HEMK2: variants seen among roughly 807,000 people sequenced by gnomAD.
HEMK2 encodes the protein HemK methyltransferase 2, ETF1 glutamine and histone H4 lysine.
At chr21:28,671,846 G>A in the HEMK2 span, among the ~76,000 whole-genome samples, 48 of 152,098 alleles carry the variant, frequency 3.2e-4, no homozygotes, top group Non-Finnish European at 6.5e-4. Context: ...TAGTTTTAAT[G>A]TCACACGTAA....
chr21:28,614,425 AC>A, the HEMK2 span, among the ~76,000 whole-genome samples: 5 of 151,618 alleles, frequency 3.3e-5, no homozygotes, highest in African/African-American at 4.8e-5. Context: ...TAAAAAAAAA[AC>A]ATATTGAAAC....
the HEMK2 span, among the ~76,000 whole-genome samples, chr21:28,622,292 AAGG>A: frequency 6.6e-6 from 1 of 152,220 alleles, no homozygotes; most frequent in Non-Finnish European, 1.5e-5. Context: ...GAAACTCTTC[AAGG>A]AGAACTACAA....
chr21:28,680,615 C>T, the HEMK2 span, among the ~76,000 whole-genome samples: 2 of 152,152 alleles, frequency 1.3e-5, no homozygotes, highest in Non-Finnish European at 2.9e-5. Context: ...GAATTTTAGA[C>T]CAATATCCCT....
the HEMK2 span, among the ~76,000 whole-genome samples, chr21:28,669,950 G>A: frequency 7.9e-5 from 12 of 152,210 alleles, no homozygotes; most frequent in Non-Finnish European, 1.5e-4. Flanking sequence ...GAAACATTAA[G>A]GATATATACT....
chr21:28,624,858 C>A, the HEMK2 span, among the ~76,000 whole-genome samples: 1 of 152,266 alleles, frequency 6.6e-6, no homozygotes, highest in South Asian at 2.1e-4. Flanking sequence ...ACACCAAGCA[C>A]CAAAGAGGTC....
the HEMK2 span, among the ~76,000 whole-genome samples, chr21:28,813,614 T>G: frequency 2.0e-5 from 3 of 152,158 alleles, no homozygotes; most frequent in Non-Finnish European, 2.9e-5. Context: ...AGAGCCCATA[T>G]AGCCAAGATA....
the HEMK2 span, among the ~76,000 whole-genome samples, chr21:28,637,453 T>TAAA: frequency 7.0e-6 from 1 of 143,546 alleles, no homozygotes; most frequent in Non-Finnish European, 1.5e-5. Context: ...TAACAGAAAT[T>TAAA]AAAAAAAAAA....
At chr21:28,603,331 T>C in the HEMK2 span, among the ~76,000 whole-genome samples, 4 of 152,198 alleles carry the variant, frequency 2.6e-5, no homozygotes, top group African/African-American at 9.6e-5. Flanking sequence ...GCATTGCCCA[T>C]AGAGCCCCCC....
the HEMK2 span, among the ~76,000 whole-genome samples, chr21:28,710,410 C>T: frequency 6.6e-6 from 1 of 152,162 alleles, no homozygotes; most frequent in Non-Finnish European, 1.5e-5. Context: ...GACTTTACCT[C>T]TTTTTTACTT....
the HEMK2 span, among the ~76,000 whole-genome samples, chr21:28,667,304 C>G: frequency 1.3e-5 from 2 of 152,080 alleles, no homozygotes; most frequent in Non-Finnish European, 1.5e-5. Context: ...ATATAATCCA[C>G]CATCAGGTTT....
At chr21:28,677,517 A>T in the HEMK2 span, among the ~76,000 whole-genome samples, 3 of 152,214 alleles carry the variant, frequency 2.0e-5, no homozygotes, top group African/African-American at 7.2e-5. Context: ...TGCAGACTTA[A>T]ATGTCCCTGT....
the HEMK2 span, among the ~76,000 whole-genome samples, chr21:28,883,544 A>ATAACAATTCTT: frequency 6.6e-6 from 1 of 152,012 alleles, no homozygotes. Context: ...GAGAATTAAA[A>ATAACAATTCTT]GGTCCCCCAA....
chr21:28,835,759 G>C, the HEMK2 span, among the ~76,000 whole-genome samples: 1 of 152,086 alleles, frequency 6.6e-6, no homozygotes, highest in Admixed American at 6.5e-5. Flanking sequence ...AGTAAAGGGA[G>C]AAATATTCAA....
the HEMK2 span, among the ~76,000 whole-genome samples, chr21:28,608,563 T>G: frequency 6.6e-6 from 1 of 152,072 alleles, no homozygotes; most frequent in Admixed American, 6.5e-5. Context: ...CATAGACCCT[T>G]TGAAGGAGGT....
At chr21:28,662,762 C>T in the HEMK2 span, among the ~76,000 whole-genome samples, 5 of 152,120 alleles carry the variant, frequency 3.3e-5, no homozygotes, top group African/African-American at 4.8e-5. Flanking sequence ...ACCCTTCCAC[C>T]ATGACTGTAA....
chr21:28,601,732 T>C, the HEMK2 span, among the ~76,000 whole-genome samples: 3 of 141,610 alleles, frequency 2.1e-5, no homozygotes, highest in African/African-American at 8.0e-5. Context: ...ACTACTGTTT[T>C]TCTAGTTCCA....
At chr21:28,644,047 A>T in the HEMK2 span, among the ~76,000 whole-genome samples, 360 of 152,312 alleles carry the variant, frequency 2.4e-3, 2 homozygotes, top group African/African-American at 8.5e-3. Context: ...ATTCAGGCAC[A>T]TCAAACCCCA....
the HEMK2 span, among the ~76,000 whole-genome samples, chr21:28,870,865 C>G: frequency 6.6e-6 from 1 of 152,136 alleles, no homozygotes; most frequent in Non-Finnish European, 1.5e-5. Flanking sequence ...CAGGGACTTA[C>G]TTTTGGTCTA....
chr21:28,767,350 C>T, the HEMK2 span, among the ~76,000 whole-genome samples: 1 of 151,302 alleles, frequency 6.6e-6, no homozygotes, highest in Non-Finnish European at 1.5e-5. Context: ...CCACCTGCAC[C>T]GCACCCCAAA....
Sources: gnomAD v4.1 joint callset for allele counts (sites outside exome capture counted in the v4.1 genomes callset) on GRCh38, gnomAD v4.1.1 for gene constraint, MANE v1.5 for transcripts, NCBI Gene and HGNC (gene_info 2026-07-23, HGNC 2026-07-21) for gene names.